MLLT10: variants seen among roughly 807,000 people sequenced by gnomAD.
MLLT10 encodes protein AF-10.
A neutral mutation model predicts 129.1 loss-of-function variants in MLLT10; 30 were observed. The ratio of observed to expected loss-of-function variants is 0.23; its 90% CI spans 0.17 to 0.32. MLLT10 has a LOEUF of 0.32. Among genes scored for constraint, MLLT10 ranks in the 10% least tolerant of loss-of-function variants. MLLT10 has a pLI of 1.00. For missense variants in MLLT10, 1,119 were observed against 1,268.3 expected (o/e 0.88, Z 1.79); for synonymous variants, 490 against 446.4 (o/e 1.10, Z -1.23).
intron 5 of MLLT10, among the ~76,000 whole-genome samples, chr10:21,603,733 G>A (rs2043784326): frequency 6.6e-6 from 1 of 152,046 alleles, no homozygotes; most frequent in African/African-American, 2.4e-5. Flanking sequence ...GATATCAGCT[G>A]GGTGGATCCT....
At chr10:21,645,252 G>A (rs944321947) in intron 8 of MLLT10, among the ~76,000 whole-genome samples, 3 of 152,062 alleles carry the variant, frequency 2.0e-5, no homozygotes, top group African/African-American at 7.2e-5. Flanking sequence ...ATGAATATCT[G>A]CCCCTGCTTC....
chr10:21,633,561 A>G (rs1166553758), intron 8 of MLLT10, among the ~76,000 whole-genome samples: 2 of 152,034 alleles, frequency 1.3e-5, no homozygotes, highest in Non-Finnish European at 2.9e-5. Context: ...GCATGGTGGT[A>G]TGCACTTCTA....
chr10:21,624,971 CCCTCCCCTT>C, intron 8 of MLLT10: 2 of 1,243,032 alleles, frequency 1.6e-6, no homozygotes, highest in Non-Finnish European at 2.3e-6. Context: ...AAGCACCCTG[CCCTCCCCTT>C]CCTCCTCTTC....
At chr10:21,568,065 G>A (rs1181334988) in intron 3 of MLLT10, among the ~76,000 whole-genome samples, 5 of 152,084 alleles carry the variant, frequency 3.3e-5, no homozygotes, top group African/African-American at 9.7e-5. Flanking sequence ...TGATCCACCC[G>A]CCTTGGCCTC....
intron 14 of MLLT10, among the ~76,000 whole-genome samples, chr10:21,714,931 C>A (rs902521792): frequency 1.2e-4 from 19 of 152,022 alleles, no homozygotes; most frequent in African/African-American, 4.1e-4. Flanking sequence ...GTATTACACC[C>A]CCCTTCCCCA....
intron 5 of MLLT10, among the ~76,000 whole-genome samples, chr10:21,611,588 C>A (rs917062853): frequency 1.3e-5 from 2 of 152,160 alleles, no homozygotes; most frequent in Non-Finnish European, 2.9e-5. Flanking sequence ...TCATTATACA[C>A]CGATACTTAC....
chr10:21,592,889 T>C (rs2042646273), intron 4 of MLLT10, among the ~76,000 whole-genome samples: 1 of 152,254 alleles, frequency 6.6e-6, no homozygotes, highest in African/African-American at 2.4e-5. Flanking sequence ...ATTCAGATAA[T>C]GCTTTCATGC....
chr10:21,734,161 A>C (rs377170686), intron 20 of MLLT10, 32 bp downstream of exon 20: 6 of 1,553,964 alleles, frequency 3.9e-6, no homozygotes, highest in Non-Finnish European at 5.2e-6. Flanking sequence ...TGGGTTTTTT[A>C]GTATAACAGA....
intron 11 of MLLT10, among the ~76,000 whole-genome samples, chr10:21,678,503 T>C (rs2052419812): frequency 6.6e-6 from 1 of 152,148 alleles, no homozygotes; most frequent in Non-Finnish European, 1.5e-5. Context: ...TACTTTGAAG[T>C]AGGCAGAAGA....
chr10:21,636,267 T>G (rs1264918821), intron 8 of MLLT10, among the ~76,000 whole-genome samples: 1 of 152,004 alleles, frequency 6.6e-6, no homozygotes, highest in Non-Finnish European at 1.5e-5. Context: ...ACTATAGGCA[T>G]GCACCACCGC....
chr10:21,661,972 G>A (rs1413908833), intron 9 of MLLT10, among the ~76,000 whole-genome samples: 1 of 151,202 alleles, frequency 6.6e-6, no homozygotes, highest in African/African-American at 2.4e-5. Flanking sequence ...AGCTTTTGTG[G>A]TTTTTATTGA....
chr10:21,535,901 T>C (rs1311449212), intron 2 of MLLT10, among the ~76,000 whole-genome samples: 1 of 152,236 alleles, frequency 6.6e-6, no homozygotes, highest in Non-Finnish European at 1.5e-5. Flanking sequence ...GTAGTGTACT[T>C]ACTCTGAGAA....
At chr10:21,541,775 A>G (rs531535627) in intron 3 of MLLT10, among the ~76,000 whole-genome samples, 5 of 152,224 alleles carry the variant, frequency 3.3e-5, no homozygotes, top group African/African-American at 1.2e-4. Context: ...CAGCCTCCCA[A>G]AGTGGTGGGA....
At chr10:21,607,479 C>T (rs1256503769) in intron 5 of MLLT10, among the ~76,000 whole-genome samples, 1 of 151,936 alleles carries the variant, frequency 6.6e-6, no homozygotes, top group Non-Finnish European at 1.5e-5. Flanking sequence ...CGTCACCACG[C>T]TCAGCTAATT....
intron 9 of MLLT10, 93 bp downstream of exon 9, chr10:21,651,861 C>G: frequency 1.4e-6 from 1 of 691,728 alleles, no homozygotes; most frequent in Non-Finnish European, 2.4e-6. Flanking sequence ...CTAACTTTTC[C>G]CAGCTTTTCA....
At chr10:21,690,267 A>AGT (rs1364266324) in intron 13 of MLLT10, among the ~76,000 whole-genome samples, 1 of 152,160 alleles carries the variant, frequency 6.6e-6, no homozygotes, top group South Asian at 2.1e-4. Flanking sequence ...GAAGAGATCA[A>AGT]GTGAACATGT....
chr10:21,709,214 A>G (rs1446404415), intron 13 of MLLT10, among the ~76,000 whole-genome samples: 2 of 147,174 alleles, frequency 1.4e-5, no homozygotes, highest in South Asian at 2.1e-4. Flanking sequence ...AAAATAACTA[A>G]TCAGCATTTT....
chr10:21,621,842 C>T (rs2045893123), intron 8 of MLLT10, among the ~76,000 whole-genome samples: 1 of 152,140 alleles, frequency 6.6e-6, no homozygotes, highest in Non-Finnish European at 1.5e-5. Flanking sequence ...GCATCTGTTT[C>T]TCTTTGTGTA....
Position 21,733,228 on chromosome 10 carries a change from A to G in MLLT10, c.2407+141A>G, listed in dbSNP as rs1038562887. The G allele has an allele frequency of 3.4e-5, 28 of 823,420 alleles. 1 individual carries two copies. The highest frequency in any genetic ancestry group is 7.1e-5 in the South Asian group (3 of 42,486). 51.0% of individuals were successfully genotyped at this position (823,420 alleles called of 1,614,324 possible). A position where few individuals can be genotyped will look rare whatever the true frequency, so the allele number is the denominator to read the frequency against. ...AGGTTGTTTTTGAAGGGCATAAAGA[A>G]TCCTGTTAAGTGATCAACTTGAATT... On this transcript the variant is annotated intron_variant, in intron 18 of 22. Coordinates refer to ENST00000307729, the MANE Select transcript of MLLT10 (RefSeq NM_001195626.3).
Sources: gnomAD v4.1 joint callset for allele counts (sites outside exome capture counted in the v4.1 genomes callset) on GRCh38, gnomAD v4.1.1 for gene constraint, MANE v1.5 for transcripts, NCBI Gene and HGNC (gene_info 2026-07-23, HGNC 2026-07-21) for gene names.